The following HIVEP2 variants were observed in gnomAD, a reference collection of about 807,000 sequenced individuals.
HIVEP2 encodes transcription factor HIVEP2.
Under a neutral mutation model 180.7 loss-of-function variants are expected in HIVEP2, and 14 were observed. The observed-to-expected ratio is 0.08, with a 90% CI of 0.05 to 0.12. The LOEUF is 0.12. HIVEP2 is among the 10% of genes least tolerant of loss of function. The pLI, the probability that HIVEP2 is intolerant of heterozygous loss-of-function variation, is 1.00. For synonymous variants in HIVEP2, 1,184 were observed against 1,136.4 expected, an observed-to-expected ratio of 1.04 and a Z score of -0.84; for missense variants, 2,579 against 3,008.5, an observed-to-expected ratio of 0.86 and a Z score of 3.34.
rs746616148 is a variant in HIVEP2, at chr6:142,774,717, G to C, written c.22C>G (p.Leu8Val). The change falls in exon 5 of 10, where the codon CTA (leucine) becomes GTA (valine). Residue 8 changes from leucine to valine, a missense_variant. Coordinates refer to ENST00000367603, the MANE Select transcript of HIVEP2 (RefSeq NM_006734.4). The surrounding 1 kb of genome is among the most constrained non-coding windows in gnomAD (Gnocchi z 5.1). ...GACCTTGAGGTAGCTTTTTGTCCTA[G>C]AGCTGTGTCCCCAGTGTCCATTTTG... MDTGDTA[L>V]GQKATSRSGE... 2 of 1,614,112 alleles carry C rather than the reference G, an allele frequency of 1.2e-6. No homozygotes were observed. Among genetic ancestry groups the C allele is most frequent in the Middle Eastern group, 3.3e-4 (2 of 6,056 alleles).
At chr6:142,935,265 A>G (rs1025496045) in intron 1 of HIVEP2, among the ~76,000 whole-genome samples, 6 of 152,172 alleles carry the variant, frequency 3.9e-5, no homozygotes, top group African/African-American at 1.4e-4. Flanking sequence ...GTGCACAGAC[A>G]GGCTGGGTGC....
At chr6:142,788,299 A>C (rs1266789571) in intron 2 of HIVEP2, 1 of 110,808 alleles carries the variant, frequency 9.0e-6, no homozygotes, top group Non-Finnish European at 1.8e-5. Context: ...CTAAAACTTA[A>C]AGTATAATAA....
chr6:142,760,966 A>G (rs1164801828), intron 8 of HIVEP2, among the ~76,000 whole-genome samples: 1 of 152,220 alleles, frequency 6.6e-6, no homozygotes, highest in Non-Finnish European at 1.5e-5. Context: ...GATAATGTTA[A>G]TTATGATGCT....
At chr6:142,882,527 T>C (rs936038819) in intron 1 of HIVEP2, among the ~76,000 whole-genome samples, 1 of 150,604 alleles carries the variant, frequency 6.6e-6, no homozygotes, top group African/African-American at 2.5e-5. Context: ...GGCAGGAGGA[T>C]CATTTGAGCT....
intron 2 of HIVEP2, among the ~76,000 whole-genome samples, chr6:142,820,558 G>C (rs1777006186): frequency 6.6e-6 from 1 of 152,208 alleles, no homozygotes; most frequent in Non-Finnish European, 1.5e-5. Context: ...TGTTTAAACA[G>C]ACGTTCATGA....
intron 2 of HIVEP2, among the ~76,000 whole-genome samples, chr6:142,809,301 C>T (rs1422609611): frequency 1.3e-5 from 2 of 152,110 alleles, no homozygotes; most frequent in Admixed American, 1.3e-4. Flanking sequence ...CCATCTTTTC[C>T]CTGAAGCCTG....
At chr6:142,782,070 G>A (rs1467171578) in intron 3 of HIVEP2, among the ~76,000 whole-genome samples, 2 of 152,078 alleles carry the variant, frequency 1.3e-5, no homozygotes, top group Admixed American at 6.5e-5. Flanking sequence ...CAGCAAACAC[G>A]GCTTCTCCAC....
intron 1 of HIVEP2, among the ~76,000 whole-genome samples, chr6:142,876,978 G>A (rs1291423141): frequency 1.3e-5 from 2 of 152,192 alleles, no homozygotes; most frequent in South Asian, 2.1e-4. Context: ...GAGCCCAGGG[G>A]GTTGAGATTG....
intron 1 of HIVEP2, among the ~76,000 whole-genome samples, chr6:142,844,563 G>A (rs190706596): frequency 2.6e-5 from 4 of 152,266 alleles, no homozygotes; most frequent in East Asian, 3.9e-4. Flanking sequence ...GTTACTGTCC[G>A]AGGTATGTTT....
intron 1 of HIVEP2, among the ~76,000 whole-genome samples, chr6:142,904,227 A>G (rs917094875): frequency 7.2e-5 from 11 of 152,208 alleles, no homozygotes; most frequent in Non-Finnish European, 1.6e-4. Context: ...CACACATTCT[A>G]CTTTTGTTCC....
intron 1 of HIVEP2, among the ~76,000 whole-genome samples, chr6:142,872,511 A>G (rs962036063): frequency 6.6e-6 from 1 of 152,200 alleles, no homozygotes; most frequent in Admixed American, 6.5e-5. Flanking sequence ...GCTCCAGCAA[A>G]TGGTTGGAGC....
At chr6:142,762,876 T>C (rs981768999) in intron 7 of HIVEP2, among the ~76,000 whole-genome samples, 1 of 152,172 alleles carries the variant, frequency 6.6e-6, no homozygotes, top group African/African-American at 2.4e-5. Flanking sequence ...AGGCCCCCAC[T>C]CCTCCTATTT....
chr6:142,929,000 G>GAA (rs1309722086), intron 1 of HIVEP2, among the ~76,000 whole-genome samples: 1 of 152,144 alleles, frequency 6.6e-6, no homozygotes, highest in Non-Finnish European at 1.5e-5. Context: ...CCAATCCTAG[G>GAA]AAATACTGTA....
chr6:142,873,255 G>GA (rs997721370), intron 1 of HIVEP2, among the ~76,000 whole-genome samples: 1 of 151,908 alleles, frequency 6.6e-6, no homozygotes, highest in East Asian at 1.9e-4. Flanking sequence ...CTACTCACTA[G>GA]AAAAAAAATG....
At chr6:142,828,326 A>G (rs1031268194) in intron 2 of HIVEP2, among the ~76,000 whole-genome samples, 1 of 152,156 alleles carries the variant, frequency 6.6e-6, no homozygotes, top group African/African-American at 2.4e-5. Context: ...TTTTCCCCCA[A>G]TAAACTTCCC....
intron 1 of HIVEP2, among the ~76,000 whole-genome samples, chr6:142,842,661 C>T (rs759025943): frequency 6.6e-6 from 1 of 151,926 alleles, no homozygotes; most frequent in Admixed American, 6.6e-5. Flanking sequence ...AGCCTTGTTT[C>T]CTGAAAGACT....
Position 142,773,011 on chromosome 6 carries a change from T to A in HIVEP2, c.1728A>T (p.Val576=). The A allele has an allele frequency of 1.9e-6, 3 of 1,614,178 alleles. No individual in the cohort carries two copies. The highest frequency in any genetic ancestry group is 2.5e-6 in the Non-Finnish European group (3 of 1,180,028). Residue 576 remains valine (V), a synonymous_variant, in exon 5 of 10, where the codon GTA becomes GTT. Coordinates refer to ENST00000367603, the MANE Select transcript of HIVEP2 (RefSeq NM_006734.4). ...GTATGCCCACGGTCCCTGGATAGAA[T>A]ACATCGTCGGAACCAGTCATCCTTT... The part of the protein sequence containing the change: ...FDERMTGSDD[V]FYPGTVGIPP...
intron 1 of HIVEP2, among the ~76,000 whole-genome samples, chr6:142,878,865 C>T (rs774463859): frequency 6.6e-6 from 1 of 152,044 alleles, no homozygotes; most frequent in Admixed American, 6.6e-5. Context: ...GGAGATGGGG[C>T]TCCAAGGTGA....
At chr6:142,779,398 T>A (rs1562513433) in intron 3 of HIVEP2, 1 of 152,214 alleles carries the variant, frequency 6.6e-6, no homozygotes, top group Non-Finnish European at 1.5e-5. Flanking sequence ...GGCAGGTGGA[T>A]CGCTTGAGCT....
Sources: allele counts gnomAD v4.1 joint callset (sites outside exome capture counted in the v4.1 genomes callset), GRCh38; gene constraint gnomAD v4.1.1; non-coding constraint Gnocchi (gnomAD v3.1); transcripts MANE v1.5; gene names NCBI Gene and HGNC (gene_info 2026-07-23, HGNC 2026-07-21).